Variants in PCDHGC3 observed in about 807,000 individuals in gnomAD.
PCDHGC3 encodes the protein protocadherin gamma-C3.
PCDHGC3 carries 26 observed loss-of-function variants against 59.2 expected under a neutral mutation model. That is an observed-to-expected ratio of 0.44 (90% CI 0.32 to 0.61). PCDHGC3 has a LOEUF of 0.61. Among genes scored for constraint, PCDHGC3 ranks in the 20% least tolerant of loss-of-function variants. PCDHGC3 has a pLI of 0.05. For synonymous variants in PCDHGC3, 487 were observed against 519.7 expected, an observed-to-expected ratio of 0.94 and a Z score of 0.86; for missense variants, 1,080 against 1,221.8, an observed-to-expected ratio of 0.88 and a Z score of 1.73.
At chr5:141,484,050 C>T (rs1262678828) in intron 1 of PCDHGC3, among the ~76,000 whole-genome samples, 1 of 151,984 alleles carries the variant, frequency 6.6e-6, no homozygotes, top group Non-Finnish European at 1.5e-5. Flanking sequence ...CAAGAGGTCC[C>T]CTGGGGCTAA....
Position 141,491,739 on chromosome 5 carries a change from C to T in PCDHGC3, c.2431-3068C>T. ...CGCCGCCCCGGGCGACCCCTGGGGG[C>T]GGCACTGGAGAAGCCGCCCGTCCTC... On this transcript the variant is annotated intron_variant, in intron 1 of 3. Transcript: ENST00000308177. This position sits in a 1 kb window ranked among gnomAD's most constrained non-coding sequence, Gnocchi z 6.9. The T allele has an allele frequency of 1.3e-6, 2 of 1,599,004 alleles. No individual in the cohort carries two copies. Among genetic ancestry groups the T allele is most frequent in the East Asian group, 2.3e-5 (1 of 44,194 alleles).
chr5:141,481,934 AAT>A (rs1245984926), intron 1 of PCDHGC3, among the ~76,000 whole-genome samples: 5 of 147,494 alleles, frequency 3.4e-5, no homozygotes, highest in Admixed American at 3.4e-4. Flanking sequence ...AAAAAAAAAA[AAT>A]CAGCCAGATG....
chr5:141,503,075 G>A (rs1373753092), intron 2 of PCDHGC3, among the ~76,000 whole-genome samples: 1 of 151,438 alleles, frequency 6.6e-6, no homozygotes, highest in African/African-American at 2.4e-5. Context: ...GAATGGTCTC[G>A]ATCTCCTGAC....
At position 141,485,275 on chromosome 5, in the gene PCDHGC3, G is replaced by A. The variant is rs77402299; in HGVS notation, c.2430+6729G>A. The A allele has an allele frequency of 8.7e-6, 14 of 1,613,954 alleles. No homozygotes were observed. In the African/African-American group the frequency reaches 1.1e-4, roughly 12 times the overall value. ...ACGTTTGTGGGCAGATCCGCTACCC[G>A]GTCCCAGAGGAGTCACAGGAAGGGA... On this transcript the variant is annotated intron_variant, in intron 1 of 3. Transcript: ENST00000308177. The surrounding 1 kb of genome is among the most constrained non-coding windows in gnomAD (Gnocchi z 5.7).
intron 3 of PCDHGC3, 122 bp downstream of exon 3, chr5:141,505,603 G>A (rs900982128): frequency 6.5e-7 from 1 of 1,534,594 alleles, no homozygotes; most frequent in African/African-American, 1.4e-5. Flanking sequence ...TCTTTCGGCA[G>A]GTCTGAAAGG....
At chr5:141,479,866 A>G (rs1020197891) in intron 1 of PCDHGC3, among the ~76,000 whole-genome samples, 2 of 152,204 alleles carry the variant, frequency 1.3e-5, no homozygotes, top group African/African-American at 2.4e-5. Context: ...TTTGCCCTGG[A>G]GAGAACCCTA....
chr5:141,484,845 G>T (rs541372844), intron 1 of PCDHGC3, among the ~76,000 whole-genome samples: 10 of 152,076 alleles, frequency 6.6e-5, no homozygotes, highest in Admixed American at 2.6e-4. Flanking sequence ...GATAGGCTGG[G>T]TTTTTTGGGG....
chr5:141,505,803 C>T (rs920849273), intron 3 of PCDHGC3, among the ~76,000 whole-genome samples: 29 of 152,116 alleles, frequency 1.9e-4, no homozygotes, highest in African/African-American at 6.5e-4. Flanking sequence ...GGACTTGGAT[C>T]GACTTGCTCA....
chr5:141,487,667 A>G lies in PCDHGC3; in HGVS notation c.2431-7140A>G, dbSNP rs2099657916. ...GCTTGAGGGTTATTCTGATCCAGGC[A>G]TATGGCTAGGCCATGTCCTAGAGAG... On this transcript the variant is annotated intron_variant, in intron 1 of 3. Transcript: ENST00000308177. This position sits in a 1 kb window ranked among gnomAD's most constrained non-coding sequence, Gnocchi z 5.0. 6.2e-7 allele frequency: 1 copy of G among 1,612,782 alleles called. No individual in the cohort carries two copies. The highest frequency in any genetic ancestry group is 1.1e-5 in the South Asian group (1 of 90,692).
chr5:141,488,428 C>A (rs1234461104), intron 1 of PCDHGC3, among the ~76,000 whole-genome samples: 1 of 152,186 alleles, frequency 6.6e-6, no homozygotes, highest in Non-Finnish European at 1.5e-5. Context: ...CATGCTTGGC[C>A]TCTGACCACC....
intron 1 of PCDHGC3, among the ~76,000 whole-genome samples, chr5:141,483,875 AT>A (rs2154580008): frequency 6.6e-6 from 1 of 151,964 alleles, no homozygotes; most frequent in Admixed American, 6.6e-5. Context: ...ATCAGGATGG[AT>A]TTTTCTATTT....
At chr5:141,507,262 G>A (rs1294679320) in intron 3 of PCDHGC3, 6 of 151,748 alleles carry the variant, frequency 4.0e-5, no homozygotes, top group Non-Finnish European at 8.8e-5. Flanking sequence ...TAAACAGCAA[G>A]TACTATTTCA....
intron 3 of PCDHGC3, among the ~76,000 whole-genome samples, chr5:141,508,989 G>A (rs900798347): frequency 1.3e-5 from 2 of 152,110 alleles, no homozygotes; most frequent in Non-Finnish European, 2.9e-5. Flanking sequence ...GGGGCCAGCT[G>A]GGGTAGGAGA....
Position 141,477,876 on chromosome 5 carries a change from G to A in PCDHGC3, c.1760G>A (p.Gly587Asp), listed in dbSNP as rs1412801533. The A allele has an allele frequency of 4.3e-6, 7 of 1,614,144 alleles. No individual in the cohort carries two copies. Among genetic ancestry groups the A allele is most frequent in the Non-Finnish European group, 5.9e-6 (7 of 1,180,030 alleles). Reference protein sequence around the residue: ...VEMLPRGTSAGHLVSRVVGWD... With the variant: ...VEMLPRGTSADHLVSRVVGWD... ...ATGCTGCCTCGAGGTACCTCAGCTG[G>A]CCACCTAGTGTCACGGGTGGTAGGC... Residue 587 changes from glycine (G) to aspartate (D), a missense_variant, in exon 1 of 4, where the codon GGC (glycine) becomes GAC (aspartate). Physicochemically the swap from Gly to Asp is moderately conservative, Grantham distance 94 (BLOSUM62 -1). Coordinates refer to ENST00000308177, the MANE Select transcript of PCDHGC3 (RefSeq NM_002588.4). The surrounding 1 kb of genome is among the most constrained non-coding windows in gnomAD (Gnocchi z 4.9).
intron 2 of PCDHGC3, among the ~76,000 whole-genome samples, chr5:141,497,622 C>G (rs1434147255): frequency 6.6e-6 from 1 of 151,538 alleles, no homozygotes; most frequent in African/African-American, 2.4e-5. Context: ...TCACTGCAAC[C>G]TCTGCCTGCC....
At chr5:141,497,703 C>T (rs995815060) in intron 2 of PCDHGC3, among the ~76,000 whole-genome samples, 16 of 152,134 alleles carry the variant, frequency 1.1e-4, no homozygotes, top group African/African-American at 3.9e-4. Context: ...CCACACCCAG[C>T]TCATTTTTGT....
chr5:141,479,860 C>T (rs1374284598), intron 1 of PCDHGC3, among the ~76,000 whole-genome samples: 2 of 152,108 alleles, frequency 1.3e-5, no homozygotes, highest in Admixed American at 6.5e-5. Context: ...AAGGCCTTTG[C>T]CCTGGAGAGA....
At chr5:141,488,594 C>T (rs1398982317) in intron 1 of PCDHGC3, among the ~76,000 whole-genome samples, 3 of 152,164 alleles carry the variant, frequency 2.0e-5, no homozygotes, top group African/African-American at 7.2e-5. Context: ...CAGGGCAAGA[C>T]TTTACAAGGT....
chr5:141,477,571 C>T lies in PCDHGC3; in HGVS notation c.1455C>T (p.Asp485=), dbSNP rs1470454976. The T allele has an allele frequency of 8.1e-6, 13 of 1,614,160 alleles. No individual in the cohort carries two copies. Among genetic ancestry groups the T allele is most frequent in the Middle Eastern group, 1.7e-4 (1 of 6,060 alleles). The part of the protein sequence containing the change: ...PILNLSVWDP[D]APQNARLSFF... ...TAAACCTAAGTGTCTGGGACCCCGACGCCCCGCAGAATGCTCGGCTTTCTT... is the reference window on the plus strand; with the variant it reads ...TAAACCTAAGTGTCTGGGACCCCGATGCCCCGCAGAATGCTCGGCTTTCTT... The change falls in exon 1 of 4, where the codon GAC becomes GAT. Residue 485 remains aspartate, a synonymous_variant. Transcript: ENST00000308177. This position sits in a 1 kb window ranked among gnomAD's most constrained non-coding sequence, Gnocchi z 4.9.
Sources: allele counts gnomAD v4.1 joint callset (sites outside exome capture counted in the v4.1 genomes callset), GRCh38; gene constraint gnomAD v4.1.1; non-coding constraint Gnocchi (gnomAD v3.1); transcripts MANE v1.5; gene names NCBI Gene and HGNC (gene_info 2026-07-23, HGNC 2026-07-21).